Variants in PCDHGB7 observed in about 807,000 individuals in gnomAD.
PCDHGB7 encodes the protein protocadherin gamma subfamily B, 7.
Under a neutral mutation model 61.4 loss-of-function variants are expected in PCDHGB7, and 37 were observed. That is an observed-to-expected ratio of 0.60 (90% CI 0.46 to 0.79). The LOEUF is 0.79. PCDHGB7 is among the 30% of genes least tolerant of loss of function. The pLI, the probability that PCDHGB7 is intolerant of heterozygous loss-of-function variation, is 0.00. For missense variants in PCDHGB7, 1,166 were observed against 1,202.5 expected, an observed-to-expected ratio of 0.97 and a Z score of 0.45; for synonymous variants, 464 against 503.5, an observed-to-expected ratio of 0.92 and a Z score of 1.05.
At position 141,431,612 on chromosome 5, in the gene PCDHGB7, G is replaced by A. The variant is rs79883194; in HGVS notation, c.2415+11338G>A. 1.9e-6 allele frequency: 3 copies of A among 1,614,126 alleles called. No homozygotes were observed. The highest frequency in any genetic ancestry group is 2.5e-6 in the Non-Finnish European group (3 of 1,180,052). ...AGTGAGGTATTCCTTCCGGTATGTG[G>A]ACGACAAGGCGGCCCAAGTTTTCAA... On this transcript the variant is annotated intron_variant, in intron 1 of 3. Coordinates refer to ENST00000398594, the MANE Select transcript of PCDHGB7 (RefSeq NM_018927.4). This position sits in a 1 kb window ranked among gnomAD's most constrained non-coding sequence, Gnocchi z 4.8.
chr5:141,498,103 G>C (rs2099781622), intron 2 of PCDHGB7, among the ~76,000 whole-genome samples: 1 of 152,216 alleles, frequency 6.6e-6, no homozygotes. Context: ...GGTGGTGTGG[G>C]CGTATAATAG....
At chr5:141,494,770 C>A (rs767006872) in intron 1 of PCDHGB7, 37 bp from the exon 2 acceptor site, 14 of 1,613,904 alleles carry the variant, frequency 8.7e-6, no homozygotes, top group Non-Finnish European at 1.1e-5. Flanking sequence ...TAACTTCTCA[C>A]GGGTACTCAG....
intron 1 of PCDHGB7, chr5:141,478,489 C>G (rs779457709): frequency 5.6e-6 from 9 of 1,613,162 alleles, no homozygotes; most frequent in Middle Eastern, 1.6e-4. Flanking sequence ...CGCTGCGGAG[C>G]TGTGATCCGG....
At position 141,419,651 on chromosome 5, in the gene PCDHGB7, TC is replaced by T; in HGVS notation, c.1793del (p.Ser598TrpfsTer46). 28 of 1,612,632 alleles carry T rather than the reference TC, an allele frequency of 1.7e-5. No homozygotes were observed. Among genetic ancestry groups the T allele is most frequent in the Non-Finnish European group, 2.3e-5 (27 of 1,179,766 alleles). ...CAAGGTGGTGGCCGTGGACGCGGAC[TC>T]GGGGCACAATGCCTGGCTGTCCTAC... Reference protein sequence around the residue: ...VTKVVAVDADSGHNAWLSYHV... With the variant: ...VTKVVAVDADXGHNAWLSYHV... On this transcript the variant is annotated frameshift_variant, in exon 1 of 4. Coordinates refer to ENST00000398594, the MANE Select transcript of PCDHGB7 (RefSeq NM_018927.4). LOFTEE classifies it high-confidence loss of function.
chr5:141,500,937 C>G (rs910002814), intron 2 of PCDHGB7, among the ~76,000 whole-genome samples: 1 of 151,804 alleles, frequency 6.6e-6, no homozygotes, highest in Non-Finnish European at 1.5e-5. Context: ...GGCGCCATCT[C>G]GGCTCACTGC....
intron 1 of PCDHGB7, among the ~76,000 whole-genome samples, chr5:141,435,590 A>G (rs1005651004): frequency 3.3e-5 from 5 of 152,210 alleles, no homozygotes; most frequent in African/African-American, 7.2e-5. Context: ...TTGCAGTAAT[A>G]TCGCCTGCTT....
intron 1 of PCDHGB7, among the ~76,000 whole-genome samples, chr5:141,438,596 A>G (rs1303292978): frequency 2.8e-5 from 1 of 35,176 alleles, no homozygotes; most frequent in Non-Finnish European, 6.2e-5. Context: ...ACATACATAT[A>G]TATATATATA....
At chr5:141,462,539 T>G (rs2099042077) in intron 1 of PCDHGB7, among the ~76,000 whole-genome samples, 1 of 152,184 alleles carries the variant, frequency 6.6e-6, no homozygotes, top group African/African-American at 2.4e-5. Flanking sequence ...TTCAGTGATC[T>G]TTTCTTCTTC....
rs1421246315 is a variant in PCDHGB7 at position 141,491,880 on chromosome 5, G to A, written c.2416-2927G>A. The A allele has an allele frequency of 1.1e-5, 16 of 1,449,714 alleles. No homozygotes were observed. The highest frequency in any genetic ancestry group is 1.5e-5 in the Non-Finnish European group (16 of 1,096,892). 89.8% of individuals were successfully genotyped at this position (1,449,714 alleles called of 1,614,324 possible). A position where few individuals can be genotyped will look rare whatever the true frequency, so the allele number is the denominator to read the frequency against. ...GCGAAACCAGAGTGGCCGATTAAGGGATGGGGCTCCGAGCACCGGGGGTGG... is the reference window on the plus strand; with the variant it reads ...GCGAAACCAGAGTGGCCGATTAAGGAATGGGGCTCCGAGCACCGGGGGTGG... On this transcript the variant is annotated intron_variant, in intron 1 of 3. Coordinates refer to ENST00000398594, the MANE Select transcript of PCDHGB7 (RefSeq NM_018927.4). The surrounding 1 kb of genome is among the most constrained non-coding windows in gnomAD (Gnocchi z 6.9).
Position 141,486,446 on chromosome 5 carries a change from G to T in PCDHGB7, c.2416-8361G>T. ...GGCCAAATCTAGCTATGACATCATGGTCACTGCTTCTGATGCTGGGAACCC... is the reference window on the plus strand; with the variant it reads ...GGCCAAATCTAGCTATGACATCATGTTCACTGCTTCTGATGCTGGGAACCC... On this transcript the variant is annotated intron_variant, in intron 1 of 3. Coordinates refer to ENST00000398594, the MANE Select transcript of PCDHGB7 (RefSeq NM_018927.4). The surrounding 1 kb of genome is among the most constrained non-coding windows in gnomAD (Gnocchi z 5.0). 2 of 1,614,126 alleles carry T rather than the reference G, an allele frequency of 1.2e-6. No individual in the cohort carries two copies. Among genetic ancestry groups the T allele is most frequent in the Non-Finnish European group, 1.7e-6 (2 of 1,180,004 alleles).
At chr5:141,455,860 A>ATTAT (rs145569377) in intron 1 of PCDHGB7, among the ~76,000 whole-genome samples, 7,190 of 139,786 alleles carry the variant, frequency 0.051, 228 homozygotes, top group South Asian at 0.064. Context: ...AATTTCTTTT[A>ATTAT]TTATTTATTT....
At position 141,489,084 on chromosome 5, in the gene PCDHGB7, C is replaced by CCGG; in HGVS notation, c.2416-5723_2416-5722insCGG. ...CTCCCCCCTGCCCACCCCCGCCACT[C>CCGG]GGTGACTAAGAACTGCTGCAAGCAG... On this transcript the variant is annotated intron_variant, in intron 1 of 3. Coordinates refer to ENST00000398594, the MANE Select transcript of PCDHGB7 (RefSeq NM_018927.4). This position sits in a 1 kb window ranked among gnomAD's most constrained non-coding sequence, Gnocchi z 4.5. The CCGG allele has an allele frequency of 3.0e-6, 1 of 329,134 alleles. No homozygotes were observed. The highest frequency in any genetic ancestry group is 2.5e-5 in the African/African-American group (1 of 40,384). 20.4% of individuals were successfully genotyped at this position (329,134 alleles called of 1,614,324 possible). A position where few individuals can be genotyped will look rare whatever the true frequency, so the allele number is the denominator to read the frequency against.
intron 1 of PCDHGB7, chr5:141,422,099 A>C (rs374091819): frequency 6.2e-7 from 1 of 1,609,706 alleles, no homozygotes; most frequent in Non-Finnish European, 8.5e-7. Context: ...AAGGCTTCTG[A>C]AATATTCCAA....
intron 1 of PCDHGB7, among the ~76,000 whole-genome samples, chr5:141,446,182 G>A (rs1411996595): frequency 6.6e-6 from 1 of 152,118 alleles, no homozygotes; most frequent in African/African-American, 2.4e-5. Flanking sequence ...GGGGTGTTTT[G>A]TTTATTATTA....
chr5:141,460,296 C>T (rs1443273958), intron 1 of PCDHGB7, among the ~76,000 whole-genome samples: 1 of 151,924 alleles, frequency 6.6e-6, no homozygotes, highest in Non-Finnish European at 1.5e-5. Context: ...TTCTTATGTC[C>T]TATTCAAAAA....
At chr5:141,473,470 A>G (rs555568617) in intron 1 of PCDHGB7, among the ~76,000 whole-genome samples, 2 of 151,816 alleles carry the variant, frequency 1.3e-5, no homozygotes, top group South Asian at 4.2e-4. Flanking sequence ...AGTTGTGCCA[A>G]GTTCAATGGA....
chr5:141,432,960 G>C lies in PCDHGB7; in HGVS notation c.2415+12686G>C. ...CAGGCTTCAGGAGGCGGCTTGACAG[G>C]AGCGCCGGCGTCGCACTTTGTGGGC... On this transcript the variant is annotated intron_variant, in intron 1 of 3. Transcript: ENST00000398594. This position sits in a 1 kb window ranked among gnomAD's most constrained non-coding sequence, Gnocchi z 6.0. The C allele has an allele frequency of 2.5e-6, 4 of 1,614,188 alleles. No homozygotes were observed. The highest frequency in any genetic ancestry group is 3.4e-6 in the Non-Finnish European group (4 of 1,180,034).
intron 1 of PCDHGB7, among the ~76,000 whole-genome samples, chr5:141,465,048 AT>A (rs905091014): frequency 4.0e-5 from 6 of 151,346 alleles, no homozygotes; most frequent in African/African-American, 9.7e-5. Context: ...GACCCTATAT[AT>A]TTTTTTGAAT....
At chr5:141,505,028 G>A (rs2099842951) in intron 2 of PCDHGB7, among the ~76,000 whole-genome samples, 1 of 152,164 alleles carries the variant, frequency 6.6e-6, no homozygotes, top group Admixed American at 6.5e-5. Flanking sequence ...CTGGCACAGT[G>A]GCAGGTGCCT....
Sources: gnomAD v4.1 joint callset for allele counts (sites outside exome capture counted in the v4.1 genomes callset) on GRCh38, gnomAD v4.1.1 for gene constraint, Gnocchi (gnomAD v3.1) non-coding constraint, MANE v1.5 for transcripts, NCBI Gene and HGNC (gene_info 2026-07-23, HGNC 2026-07-21) for gene names.